DCAF12L1: variants seen among roughly 807,000 people sequenced by gnomAD.
DCAF12L1 encodes the protein DDB1 and CUL4 associated factor 12 like 1, also known as DDB1- and CUL4-associated factor 12-like protein 1.
For synonymous variants in DCAF12L1, 218 were observed against 196.4 expected (o/e 1.11, Z -0.92); for missense variants, 251 against 409.2 (o/e 0.61, Z 3.34).
chrX:126,551,814 C>A lies in DCAF12L1; in HGVS notation c.795G>T (p.Val265=), dbSNP rs1191677607. The change falls in exon 1 of 2, where the codon GTG becomes GTT. Residue 265 remains valine, a synonymous_variant. Coordinates refer to ENST00000371126, the MANE Select transcript of DCAF12L1 (RefSeq NM_178470.5). The part of the protein sequence containing the change: ...RAIINPSNRK[V]RALACGGKNQ... The stretch of plus-strand genomic sequence containing the variant: ...TCTTGCCGCCGCAGGCCAGGGCCCG[C>A]ACCTTGCGGTTACTGGGGTTGATGA... 6 of 1,212,263 alleles carry A rather than the reference C, an allele frequency of 4.9e-6. No individual in the cohort carries two copies. The African/African-American group carries it at 8.6e-5, about 17-fold the overall frequency.
In DCAF12L1 at chrX:126,552,254, T is replaced by C; in HGVS notation, c.355A>G (p.Thr119Ala). Residue 119 changes from threonine (T) to alanine (A), a missense_variant, in exon 1 of 2, where the codon ACG becomes GCG. Thr to Ala is a moderately conservative substitution (Grantham distance 58). Coordinates refer to ENST00000371126, the MANE Select transcript of DCAF12L1 (RefSeq NM_178470.5). ...GACTCCACGTCCACCACGAAAAGCG[T>C]GTTACACTTGGTGCCGCACACCACC... ...RQVVCGTKCN[T>A]LFVVDVESGH... 8.2e-7 allele frequency: 1 copy of C among 1,212,231 alleles called. No homozygotes were observed. Among genetic ancestry groups the C allele is most frequent in the African/African-American group, 1.7e-5 (1 of 57,947 alleles).
In DCAF12L1 at chrX:126,551,079, G is replaced by T; in HGVS notation, c.*51C>A. The T allele has an allele frequency of 1.4e-6, 1 of 732,318 alleles. No individual in the cohort carries two copies. The highest frequency in any genetic ancestry group is 1.9e-6 in the Non-Finnish European group (1 of 517,111). 60.4% of individuals were successfully genotyped at this position (732,318 alleles called of 1,213,427 possible). On this transcript the variant is annotated 3_prime_UTR_variant, in exon 2 of 2. Coordinates refer to ENST00000371126, the MANE Select transcript of DCAF12L1 (RefSeq NM_178470.5). ...GACCACTCACTCTCTCTGCTTGGAGGAGTACAAATTAAGCTGGGCTGGTTC... is the reference window on the plus strand; with the variant it reads ...GACCACTCACTCTCTCTGCTTGGAGTAGTACAAATTAAGCTGGGCTGGTTC...
Position 126,550,530 on chromosome X carries a change from C to T in DCAF12L1, c.*600G>A, listed in dbSNP as rs1602583371. 1 of 112,652 alleles carries T rather than the reference C, an allele frequency of 8.9e-6. No homozygotes were observed. Among genetic ancestry groups the T allele is most frequent in the East Asian group, 2.8e-4 (1 of 3,572 alleles). The allele number at this position is 112,652 out of a possible 1,213,427, so 9.3% of individuals were successfully genotyped here. On this transcript the variant is annotated 3_prime_UTR_variant, in exon 2 of 2. Transcript: ENST00000371126. ...AATGCAATGAAGCAGAACCCCTGCA[C>T]TCCTAAAGTGTTCCGACCAATTAGG...
rs772806983 is a variant in DCAF12L1 at position 126,551,759 on chromosome X, C to G, written c.850G>C (p.Gly284Arg). 1 of 1,212,095 alleles carries G rather than the reference C, an allele frequency of 8.3e-7. No individual in the cohort carries two copies. ...NQELGAVSLD[G>R]YFHLWKAGSA... ...CCGGCTTTCCACAGGTGGAAGTAGC[C>G]GTCCAAGGACACCGCTCCCAGTTCC... Residue 284 changes from glycine to arginine, a missense_variant, in exon 1 of 2, where the codon GGC becomes CGC. By Grantham distance (125) the Gly-to-Arg change is moderately radical. Coordinates refer to ENST00000371126, the MANE Select transcript of DCAF12L1 (RefSeq NM_178470.5).
chrX:126,551,220 G>A lies in DCAF12L1; in HGVS notation c.1389C>T (p.Ser463=), dbSNP rs745395236. 583 of 1,202,085 alleles carry A rather than the reference G, an allele frequency of 4.8e-4. 1 individual carries two copies. Among genetic ancestry groups the A allele is most frequent in the Non-Finnish European group, 6.1e-4 (542 of 891,715 alleles). Residue 463 remains serine (S), a synonymous_variant, in exon 1 of 2, where the codon AGC becomes AGT. Coordinates refer to ENST00000371126, the MANE Select transcript of DCAF12L1 (RefSeq NM_178470.5). The part of the protein sequence containing the change: ...GLHGNYAGLW[S] ...CTGGAGTACAAGGCGGTCATCCTTA[G>A]CTCCAGAGGCCTGCATAGTTCCCAT...
In DCAF12L1 at chrX:126,552,303, C is replaced by T. The variant is rs747060032; in HGVS notation, c.306G>A (p.Ala102=). 2.5e-5 allele frequency: 30 copies of T among 1,211,188 alleles called. No individual in the cohort carries two copies. The East Asian group carries it at 8.0e-4, about 32-fold the overall frequency. The change falls in exon 1 of 2, where the codon GCG becomes GCA. Residue 102 remains alanine (A), a synonymous_variant. Transcript: ENST00000371126. ...CCTGCCTGGAGTTCAGCCACTGTGA[C>T]GCGAACACCTTGTTGACCGTGCCCA... ...LELGTVNKVF[A]SQWLNSRQVV...
chrX:126,550,994 C>T lies in DCAF12L1; in HGVS notation c.*136G>A, dbSNP rs779178182. 8.6e-6 allele frequency: 3 copies of T among 349,254 alleles called. No individual in the cohort carries two copies. Among genetic ancestry groups the T allele is most frequent in the South Asian group, 2.1e-4 (2 of 9,380 alleles). The allele number at this position is 349,254 out of a possible 1,213,427, so 28.8% of individuals were successfully genotyped here. On this transcript the variant is annotated 3_prime_UTR_variant, in exon 2 of 2. Coordinates refer to ENST00000371126, the MANE Select transcript of DCAF12L1 (RefSeq NM_178470.5). ...ACCAAATTTCTTTGTATGAAAATTC[C>T]AAAAGATGGTGTTGGAAAGGAGTCA...
Position 126,552,772 on chromosome X carries a change from G to A in DCAF12L1, c.-164C>T, listed in dbSNP as rs1927491531. The A allele has an allele frequency of 3.5e-6, 3 of 850,140 alleles. No homozygotes were observed. Among genetic ancestry groups the A allele is most frequent in the Non-Finnish European group, 4.8e-6 (3 of 629,872 alleles). The allele number at this position is 850,140 out of a possible 1,213,427, so 70.1% of individuals were successfully genotyped here. A position where few individuals can be genotyped will look rare whatever the true frequency, so the allele number is the denominator to read the frequency against. ...GGGTGAGGGACGCGCGGGAGAGGGC[G>A]GCGGTGGCGGTGCAGACCTAGGCGA... On this transcript the variant is annotated 5_prime_UTR_variant, in exon 1 of 2. Transcript: ENST00000371126.
At position 126,551,202 on chromosome X, in the gene DCAF12L1, A is replaced by G; in HGVS notation, c.*15T>C. 1 of 1,192,846 alleles carries G rather than the reference A, an allele frequency of 8.4e-7. No homozygotes were observed. The highest frequency in any genetic ancestry group is 1.1e-6 in the Non-Finnish European group (1 of 886,818). ...AAAGGTAAATCTGTGTACCTGGAGT[A>G]CAAGGCGGTCATCCTTAGCTCCAGA... On this transcript the variant is annotated 3_prime_UTR_variant, in exon 1 of 2. Coordinates refer to ENST00000371126, the MANE Select transcript of DCAF12L1 (RefSeq NM_178470.5).
In DCAF12L1 at chrX:126,552,189, C is replaced by T; in HGVS notation, c.420G>A (p.Glu140=). 3.3e-6 allele frequency: 4 copies of T among 1,212,609 alleles called. No individual in the cohort carries two copies. Among genetic ancestry groups the T allele is most frequent in the African/African-American group, 1.7e-5 (1 of 58,068 alleles). ...IARIPLLRDS[E]ARLAQDQQGC... is the part of the protein sequence containing the mutation. ...CCTGTTGGTCCTGGGCCAGCCTGGC[C>T]TCACTGTCCCGCAAGAGGGGAATGC... The change falls in exon 1 of 2, where the codon GAG becomes GAA. Residue 140 remains glutamate (E), a synonymous_variant. Coordinates refer to ENST00000371126, the MANE Select transcript of DCAF12L1 (RefSeq NM_178470.5).
In DCAF12L1 at chrX:126,551,244, A is replaced by G. The variant is rs764804802; in HGVS notation, c.1365T>C (p.His455=). The G allele has an allele frequency of 3.3e-6, 4 of 1,211,018 alleles. No individual in the cohort carries two copies. The highest frequency in any genetic ancestry group is 4.5e-6 in the Non-Finnish European group (4 of 895,124). ...VAGGPLPAGL[H]GNYAGLWS ...AGCTCCAGAGGCCTGCATAGTTCCC[A>G]TGGAGGCCTGCAGGGAGAGGCCCCC... Residue 455 remains histidine (H), a synonymous_variant, in exon 1 of 2, where the codon CAT becomes CAC. Transcript: ENST00000371126.
In DCAF12L1 at chrX:126,552,680, T is replaced by G; in HGVS notation, c.-72A>C. 1 of 1,154,667 alleles carries G rather than the reference T, an allele frequency of 8.7e-7. No homozygotes were observed. The highest frequency in any genetic ancestry group is 1.1e-6 in the Non-Finnish European group (1 of 873,191). On this transcript the variant is annotated 5_prime_UTR_variant, in exon 1 of 2. Transcript: ENST00000371126. Reference sequence around the variant, plus strand: ...CAGCGCGTGGCTCCGGAGTCGGTCGTGGCGGCGGCGTGGATGGCTGCGCTG... The same window carrying G: ...CAGCGCGTGGCTCCGGAGTCGGTCGGGGCGGCGGCGTGGATGGCTGCGCTG...
chrX:126,551,735 C>T lies in DCAF12L1; in HGVS notation c.874G>A (p.Gly292Arg), dbSNP rs1176083541. Reference sequence around the variant, plus strand: ...GACAGCAGCCTGGATAGTGCGCTCCCGGCTTTCCACAGGTGGAAGTAGCCG... The same window carrying T: ...GACAGCAGCCTGGATAGTGCGCTCCTGGCTTTCCACAGGTGGAAGTAGCCG... ...LDGYFHLWKAGSALSRLLSIR... is the reference protein window; with the variant it reads ...LDGYFHLWKARSALSRLLSIR... The change falls in exon 1 of 2, where the codon GGG becomes AGG. Residue 292 changes from glycine (G) to arginine (R), a missense_variant. Coordinates refer to ENST00000371126, the MANE Select transcript of DCAF12L1 (RefSeq NM_178470.5). The T allele has an allele frequency of 4.1e-6, 5 of 1,210,878 alleles. No homozygotes were observed. In the African/African-American group the frequency reaches 7.0e-5, roughly 17 times the overall value.
chrX:126,552,065 G>C lies in DCAF12L1; in HGVS notation c.544C>G (p.Leu182Val). 1 of 1,212,412 alleles carries C rather than the reference G, an allele frequency of 8.2e-7. No individual in the cohort carries two copies. Among genetic ancestry groups the C allele is most frequent in the Non-Finnish European group, 1.1e-6 (1 of 895,647 alleles). ...CGGTCGCCCAGGCACAGGGGATCCA[G>C]GGAGGGCAGCTGGTAGATGGCCAGG... ...NSLAIYQLPS[L>V]DPLCLGDRHG... The change falls in exon 1 of 2, where the codon CTG becomes GTG. Residue 182 changes from leucine (L) to valine (V), a missense_variant. Physicochemically the swap from Leu to Val is conservative, Grantham distance 32. Coordinates refer to ENST00000371126, the MANE Select transcript of DCAF12L1 (RefSeq NM_178470.5).
In DCAF12L1 at chrX:126,551,999, T is replaced by C; in HGVS notation, c.610A>G (p.Ser204Gly). The change falls in exon 1 of 2, where the codon AGT (serine) becomes GGT (glycine). Residue 204 changes from serine (S) to glycine (G), a missense_variant. Transcript: ENST00000371126. ...GAGCCGCTCACGGCTACGGTGTCAC[T>C]CAGCCAGGCGACGGCGAAGATCCAG... ...KDWIFAVAWL[S>G]DTVAVSGSRD... The C allele has an allele frequency of 8.2e-7, 1 of 1,212,402 alleles. No homozygotes were observed. Among genetic ancestry groups the C allele is most frequent in the Non-Finnish European group, 1.1e-6 (1 of 895,651 alleles).
At position 126,552,180 on chromosome X, in the gene DCAF12L1, C is replaced by T. The variant is rs374606828; in HGVS notation, c.429G>A (p.Leu143=). 1 of 1,212,631 alleles carries T rather than the reference C, an allele frequency of 8.2e-7. No individual in the cohort carries two copies. The highest frequency in any genetic ancestry group is 1.1e-6 in the Non-Finnish European group (1 of 895,684). ...IPLLRDSEAR[L]AQDQQGCGIH... is the part of the protein sequence containing the mutation. ...TGCCGCAGCCCTGTTGGTCCTGGGC[C>T]AGCCTGGCCTCACTGTCCCGCAAGA... Residue 143 remains leucine, a synonymous_variant, in exon 1 of 2, where the codon CTG becomes CTA. Transcript: ENST00000371126.
In DCAF12L1 at chrX:126,550,538, G is replaced by C. The variant is rs1171356548; in HGVS notation, c.*592C>G. ...GAAGCAGAACCCCTGCACTCCTAAAGTGTTCCGACCAATTAGGAGTTTGAT... is the reference window on the plus strand; with the variant it reads ...GAAGCAGAACCCCTGCACTCCTAAACTGTTCCGACCAATTAGGAGTTTGAT... On this transcript the variant is annotated 3_prime_UTR_variant, in exon 2 of 2. Transcript: ENST00000371126. 1.8e-5 allele frequency: 2 copies of C among 112,521 alleles called. No homozygotes were observed. The highest frequency in any genetic ancestry group is 1.9e-4 in the Admixed American group (2 of 10,609). 9.3% of individuals were successfully genotyped at this position (112,521 alleles called of 1,213,427 possible).
chrX:126,551,467 T>G lies in DCAF12L1; in HGVS notation c.1142A>C (p.Lys381Thr), dbSNP rs1343618569. Reference protein sequence around the residue: ...SLLFYDVRAQKFLEERASATL... With the variant: ...SLLFYDVRAQTFLEERASATL... ...GGCGGAGGCTCTTTCCTCCAGGAAT[T>G]TCTGGGCCCGGACGTCATAGAAGAG... Residue 381 changes from lysine to threonine, a missense_variant, in exon 1 of 2, where the codon AAA (lysine) becomes ACA (threonine). Lys to Thr is a moderately conservative substitution (Grantham distance 78). Coordinates refer to ENST00000371126, the MANE Select transcript of DCAF12L1 (RefSeq NM_178470.5). 8.3e-7 allele frequency: 1 copy of G among 1,211,547 alleles called. No individual in the cohort carries two copies.
rs1767833411 is a variant in DCAF12L1 at position 126,550,078 on chromosome X, G to C, written c.*1052C>G. The C allele has an allele frequency of 8.9e-6, 1 of 112,152 alleles. No homozygotes were observed. Among genetic ancestry groups the C allele is most frequent in the African/African-American group, 3.2e-5 (1 of 30,879 alleles). 9.2% of individuals were successfully genotyped at this position (112,152 alleles called of 1,213,427 possible). ...CGTTATACTTTAGGAAAGAATCTTT[G>C]AACTTCACAAAATAAAATCTTATTA... On this transcript the variant is annotated 3_prime_UTR_variant, in exon 2 of 2. Coordinates refer to ENST00000371126, the MANE Select transcript of DCAF12L1 (RefSeq NM_178470.5).
Sources: gnomAD v4.1 joint callset for allele counts on GRCh38, gnomAD v4.1.1 for gene constraint, MANE v1.5 for transcripts, NCBI Gene and HGNC (gene_info 2026-07-23, HGNC 2026-07-21) for gene names.